APOL6: variants seen among roughly 807,000 people sequenced by gnomAD.
APOL6 encodes apolipoprotein L6.
A neutral mutation model predicts 2.4 loss-of-function variants in APOL6; 1 was observed. That is an observed-to-expected ratio of 0.41 (90% confidence interval 0.15 to 1.94). APOL6 has a LOEUF of 1.94. APOL6 is among the 30% of genes most tolerant of loss of function. The pLI is 0.30. For missense variants in APOL6, 438 were observed against 429.2 expected (o/e 1.02, Z -0.18); for synonymous variants, 189 against 169.3 (o/e 1.12, Z -0.90).
chr22:35,657,205 G>A (rs541978762), intron 2 of APOL6, among the ~76,000 whole-genome samples: 3 of 152,262 alleles, frequency 2.0e-5, no homozygotes, highest in Admixed American at 6.5e-5. Context: ...ATACCTTGAG[G>A]AAACACAGAG....
rs3180715 is a variant in APOL6, at chr22:35,661,307, A to G, written c.*1711A>G. The G allele has an allele frequency of 6.7e-6, 1 of 150,056 alleles. No homozygotes were observed. The highest frequency in any genetic ancestry group is 1.5e-5 in the Non-Finnish European group (1 of 67,586). The allele number at this position is 150,056 out of a possible 1,614,324, so 9.3% of individuals were successfully genotyped here. On this transcript the variant is annotated 3_prime_UTR_variant, in exon 3 of 3. Transcript: ENST00000409652. ...CAGGCTGTAAAGGTTGCAGTGAGCC[A>G]AGATCATGCCACTGCACTCCAGTCT...
At position 35,659,330 on chromosome 22, in the gene APOL6, T is replaced by C. The variant is rs759485812; in HGVS notation, c.766T>C (p.Trp256Arg). ...TGACTTGGCCACTCTCTCAAAGGAA[T>C]GGAAGCACCTGAAGGAAGGAGCAAG... The part of the protein sequence containing the change: ...GYDLATLSKE[W>R]KHLKEGARTK... The change falls in exon 3 of 3, where the codon TGG (tryptophan) becomes CGG (arginine). Residue 256 changes from tryptophan to arginine, a missense_variant. Physicochemically the swap from Trp to Arg is moderately radical, Grantham distance 101 (BLOSUM62 -3). Transcript: ENST00000409652. 1 of 1,613,908 alleles carries C rather than the reference T, an allele frequency of 6.2e-7. No individual in the cohort carries two copies. The highest frequency in any genetic ancestry group is 8.5e-7 in the Non-Finnish European group (1 of 1,179,938).
At position 35,659,297 on chromosome 22, in the gene APOL6, C is replaced by T; in HGVS notation, c.733C>T (p.Leu245Phe). The change falls in exon 3 of 3, where the codon CTT becomes TTT. Residue 245 changes from leucine (L) to phenylalanine (F), a missense_variant. By Grantham distance (22) the Leu-to-Phe change is conservative. Coordinates refer to ENST00000409652, the MANE Select transcript of APOL6 (RefSeq NM_030641.4). ...GGGAGGTGTGATGTCCGCCTTCTCC[C>T]TTGGCTATGACTTGGCCACTCTCTC... ...VLGGVMSAFS[L>F]GYDLATLSKE... The T allele has an allele frequency of 6.2e-7, 1 of 1,614,190 alleles. No homozygotes were observed. The highest frequency in any genetic ancestry group is 1.1e-5 in the South Asian group (1 of 91,084).
In APOL6 at chr22:35,658,980, A is replaced by C; in HGVS notation, c.416A>C (p.Gln139Pro). The C allele has an allele frequency of 6.2e-7, 1 of 1,613,948 alleles. No individual in the cohort carries two copies. The highest frequency in any genetic ancestry group is 8.5e-7 in the Non-Finnish European group (1 of 1,180,040). Reference protein sequence around the residue: ...TLERSKNKEAQARAEDILPTY... With the variant: ...TLERSKNKEAPARAEDILPTY... ...GAACGCTCCAAAAATAAAGAAGCCCAAGCACGGGCGGAAGACATACTGCCC... is the reference window on the plus strand; with the variant it reads ...GAACGCTCCAAAAATAAAGAAGCCCCAGCACGGGCGGAAGACATACTGCCC... Residue 139 changes from glutamine (Q) to proline (P), a missense_variant, in exon 3 of 3, where the codon CAA becomes CCA. Coordinates refer to ENST00000409652, the MANE Select transcript of APOL6 (RefSeq NM_030641.4).
At chr22:35,654,382 A>T (rs1924784299) in intron 1 of APOL6, among the ~76,000 whole-genome samples, 1 of 152,008 alleles carries the variant, frequency 6.6e-6, no homozygotes, top group African/African-American at 2.4e-5. Context: ...TTCTAAAGTC[A>T]CCTCATTAAC....
In APOL6 at chr22:35,666,606, AT is replaced by A. The variant is rs748117874; in HGVS notation, c.*7011del. 14 of 152,080 alleles carry A rather than the reference AT, an allele frequency of 9.2e-5. No individual in the cohort carries two copies. Among genetic ancestry groups the A allele is most frequent in the Non-Finnish European group, 1.6e-4 (11 of 68,018 alleles). The allele number at this position is 152,080 out of a possible 1,614,324, so 9.4% of individuals were successfully genotyped here. ...GTCCTCTTTAGAAGGTGGTTTTATA[AT>A]CAGCTGTAAAACTCCAACAGGTGCT... On this transcript the variant is annotated 3_prime_UTR_variant, in exon 3 of 3. Coordinates refer to ENST00000409652, the MANE Select transcript of APOL6 (RefSeq NM_030641.4).
At chr22:35,651,703 C>A (rs1217630210) in intron 1 of APOL6, among the ~76,000 whole-genome samples, 1 of 152,168 alleles carries the variant, frequency 6.6e-6, no homozygotes, top group Non-Finnish European at 1.5e-5. Flanking sequence ...CAGCTTCATC[C>A]ATGTCCCTAC....
chr22:35,659,041 G>C lies in APOL6; in HGVS notation c.477G>C (p.Glu159Asp). ...YDQEDREDEE[E>D]KADYVTAAGK... ...AAGAGGACAGGGAGGATGAGGAAGA[G>C]AAGGCAGACTATGTCACAGCTGCTG... The change falls in exon 3 of 3, where the codon GAG (glutamate) becomes GAC (aspartate). Residue 159 changes from glutamate to aspartate, a missense_variant. By Grantham distance (45) the Glu-to-Asp change is conservative (BLOSUM62 2). Transcript: ENST00000409652. The C allele has an allele frequency of 6.2e-7, 1 of 1,613,968 alleles. No homozygotes were observed. Among genetic ancestry groups the C allele is most frequent in the African/African-American group, 1.3e-5 (1 of 75,056 alleles).
At chr22:35,650,320 T>A (rs1214847991) in intron 1 of APOL6, among the ~76,000 whole-genome samples, 1 of 152,188 alleles carries the variant, frequency 6.6e-6, no homozygotes, top group Non-Finnish European at 1.5e-5. Flanking sequence ...ATAAGGATTT[T>A]AACCAAAAAT....
intron 1 of APOL6, among the ~76,000 whole-genome samples, chr22:35,652,388 A>G (rs182150724): frequency 1.3e-5 from 2 of 150,334 alleles, no homozygotes; most frequent in African/African-American, 2.5e-5. Context: ...CTGTGCAGAA[A>G]CTCTTTAGTT....
chr22:35,655,289 G>A (rs1924815529), intron 1 of APOL6, among the ~76,000 whole-genome samples: 2 of 152,124 alleles, frequency 1.3e-5, no homozygotes, highest in Middle Eastern at 3.2e-3. Flanking sequence ...GAAGGGCAGA[G>A]GGAAAATTAT....
chr22:35,664,597 A>G lies in APOL6; in HGVS notation c.*5001A>G, dbSNP rs1222354573. On this transcript the variant is annotated 3_prime_UTR_variant, in exon 3 of 3. Transcript: ENST00000409652. Reference sequence around the variant, plus strand: ...GGAAGTTTCATAACTTTAAATCATGACTATCACAGTTTTTATAAATAATCT... The same window carrying G: ...GGAAGTTTCATAACTTTAAATCATGGCTATCACAGTTTTTATAAATAATCT... 1 of 152,244 alleles carries G rather than the reference A, an allele frequency of 6.6e-6. No homozygotes were observed. The highest frequency in any genetic ancestry group is 6.5e-5 in the Admixed American group (1 of 15,280). 9.4% of individuals were successfully genotyped at this position (152,244 alleles called of 1,614,324 possible).
Position 35,659,076 on chromosome 22 carries a change from T to A in APOL6, c.512T>A (p.Ile171Asn), listed in dbSNP as rs1406500230. The part of the protein sequence containing the change: ...ADYVTAAGKI[I>N]YNLRNTLKYA... ...TATGTCACAGCTGCTGGAAAGATTA[T>A]CTATAATCTTAGAAACACCTTGAAG... Residue 171 changes from isoleucine (I) to asparagine (N), a missense_variant, in exon 3 of 3, where the codon ATC (isoleucine) becomes AAC (asparagine). By Grantham distance (149) the Ile-to-Asn change is moderately radical. Transcript: ENST00000409652. 2 of 1,613,902 alleles carry A rather than the reference T, an allele frequency of 1.2e-6. No homozygotes were observed. The highest frequency in any genetic ancestry group is 1.7e-6 in the Non-Finnish European group (2 of 1,180,038).
rs764855542 is a variant in APOL6 at position 35,658,646 on chromosome 22, G to A, written c.82G>A (p.Val28Met). The A allele has an allele frequency of 8.3e-5, 134 of 1,613,658 alleles. No individual in the cohort carries two copies. Among genetic ancestry groups the A allele is most frequent in the South Asian group, 7.2e-4 (66 of 91,060 alleles). ...DEDDAPLCED[V>M]ELQDGDLSPE... ...GGATGACGCTCCTCTGTGTGAAGAC[G>A]TGGAGCTACAAGACGGAGATCTGTC... Residue 28 changes from valine to methionine, a missense_variant, in exon 3 of 3, where the codon GTG becomes ATG. Transcript: ENST00000409652.
intron 1 of APOL6, among the ~76,000 whole-genome samples, chr22:35,652,018 T>C (rs541990090): frequency 6.6e-6 from 1 of 152,330 alleles, no homozygotes; most frequent in Non-Finnish European, 1.5e-5. Flanking sequence ...CAACCAACAG[T>C]GTAAAAGTGT....
rs1227524383 is a variant in APOL6, at chr22:35,667,130, T to G, written c.*7534T>G. 2 of 152,178 alleles carry G rather than the reference T, an allele frequency of 1.3e-5. No homozygotes were observed. Among genetic ancestry groups the G allele is most frequent in the Non-Finnish European group, 2.9e-5 (2 of 68,044 alleles). The allele number at this position is 152,178 out of a possible 1,614,324, so 9.4% of individuals were successfully genotyped here. On this transcript the variant is annotated 3_prime_UTR_variant, in exon 3 of 3. Coordinates refer to ENST00000409652, the MANE Select transcript of APOL6 (RefSeq NM_030641.4). ...GTCCTTGGAAAAACTGGCCCCATAT[T>G]TTGTGTACACAGTCTCCGTACAAGA... is the stretch of plus-strand genomic sequence containing the variant.
In APOL6 at chr22:35,667,495, C is replaced by T. The variant is rs1925219691; in HGVS notation, c.*7899C>T. On this transcript the variant is annotated 3_prime_UTR_variant, in exon 3 of 3. Coordinates refer to ENST00000409652, the MANE Select transcript of APOL6 (RefSeq NM_030641.4). The stretch of plus-strand genomic sequence containing the variant: ...GAGAGATACATGAAGGACATAAAAA[C>T]GTTTTTAGAAAGTCCTTGGAAACAG... The T allele has an allele frequency of 1.3e-5, 2 of 152,152 alleles. No homozygotes were observed. The highest frequency in any genetic ancestry group is 6.5e-5 in the Admixed American group (1 of 15,268). The allele number at this position is 152,152 out of a possible 1,614,324, so 9.4% of individuals were successfully genotyped here. A position where few individuals can be genotyped will look rare whatever the true frequency, so the allele number is the denominator to read the frequency against.
In APOL6 at chr22:35,659,317, T is replaced by C; in HGVS notation, c.753T>C (p.Thr251=). 2 of 1,613,990 alleles carry C rather than the reference T, an allele frequency of 1.2e-6. No individual in the cohort carries two copies. Among genetic ancestry groups the C allele is most frequent in the Non-Finnish European group, 1.7e-6 (2 of 1,179,952 alleles). ...TCTCCCTTGGCTATGACTTGGCCAC[T>C]CTCTCAAAGGAATGGAAGCACCTGA... The part of the protein sequence containing the change: ...SAFSLGYDLA[T]LSKEWKHLKE... The change falls in exon 3 of 3, where the codon ACT becomes ACC. Residue 251 remains threonine, a synonymous_variant. Transcript: ENST00000409652.
In APOL6 at chr22:35,664,162, TCAAA is replaced by T. The variant is rs1925107893; in HGVS notation, c.*4569_*4572del. 1 of 152,204 alleles carries T rather than the reference TCAAA, an allele frequency of 6.6e-6. No individual in the cohort carries two copies. The allele number at this position is 152,204 out of a possible 1,614,324, so 9.4% of individuals were successfully genotyped here. A position where few individuals can be genotyped will look rare whatever the true frequency, so the allele number is the denominator to read the frequency against. On this transcript the variant is annotated 3_prime_UTR_variant, in exon 3 of 3. Transcript: ENST00000409652. ...TACATTTTTGTTTGCATTATATTAA[TCAAA>T]CAGTTTTATACTTATCCCTGCCAAA...
Sources: gnomAD v4.1 joint callset for allele counts (sites outside exome capture counted in the v4.1 genomes callset) on GRCh38, gnomAD v4.1.1 for gene constraint, MANE v1.5 for transcripts, NCBI Gene and HGNC (gene_info 2026-07-23, HGNC 2026-07-21) for gene names.